TRPA1: variants seen among roughly 807,000 people sequenced by gnomAD.
TRPA1 encodes the protein transient receptor potential cation channel subfamily A member 1, also known as ankyrin-like with transmembrane domains 1.
TRPA1 carries 129 observed loss-of-function variants against 131.3 expected under a neutral mutation model. That is an observed-to-expected ratio of 0.98 (90% CI 0.85 to 1.14). The LOEUF is 1.14. Among genes scored for constraint, TRPA1 ranks in the 50% most tolerant of loss-of-function variants. TRPA1 has a pLI of 0.00. For synonymous variants in TRPA1, 441 were observed against 451.7 expected (o/e 0.98, Z 0.30); for missense variants, 1,304 against 1,354.2 (o/e 0.96, Z 0.58).
Position 72,033,724 on chromosome 8 carries a change from C to T in TRPA1, c.2788G>A (p.Glu930Lys). 6.2e-7 allele frequency: 1 copy of T among 1,614,018 alleles called. No homozygotes were observed. Among genetic ancestry groups the T allele is most frequent in the Non-Finnish European group, 8.5e-7 (1 of 1,179,964 alleles). ...ESFLEPYLRNELAHPVLSFAQ... is the reference protein window; with the variant it reads ...ESFLEPYLRNKLAHPVLSFAQ... ...AAGGACAGAACTGGATGTGCCAATT[C>T]ATTTCTCAGATATGGTTCTAGGAAG... Residue 930 changes from glutamate to lysine, a missense_variant, in exon 23 of 27, where the codon GAA (glutamate) becomes AAA (lysine). Glu to Lys is a moderately conservative substitution (Grantham distance 56). Coordinates refer to ENST00000262209, the MANE Select transcript of TRPA1 (RefSeq NM_007332.3).
rs1187982767 is a variant in TRPA1 at position 72,022,888 on chromosome 8, C to T, written c.*18G>A. The T allele has an allele frequency of 5.0e-6, 8 of 1,611,712 alleles. No homozygotes were observed. In the Admixed American group the frequency reaches 8.3e-5, roughly 17 times the overall value. ...GTCATGCACCCCCCATTAGAAGCCTCACTGAAGGTCTGAGGAGCTAAGGCT... is the reference window on the plus strand; with the variant it reads ...GTCATGCACCCCCCATTAGAAGCCTTACTGAAGGTCTGAGGAGCTAAGGCT... On this transcript the variant is annotated 3_prime_UTR_variant, in exon 27 of 27. Coordinates refer to ENST00000262209, the MANE Select transcript of TRPA1 (RefSeq NM_007332.3).
At chr8:72,078,742 C>T (rs778068282), upstream of TRPA1, among the ~76,000 whole-genome samples, 3 of 151,986 alleles carry the variant, frequency 2.0e-5, no homozygotes, top group Middle Eastern at 3.2e-3. Context: ...TGTGGACATA[C>T]ATTTTTATTT....
At chr8:72,046,212 A>G (rs1366081200) in intron 17 of TRPA1, among the ~76,000 whole-genome samples, 4 of 152,024 alleles carry the variant, frequency 2.6e-5, no homozygotes, top group Admixed American at 1.3e-4. Context: ...AGCAATTGAA[A>G]AAAAGGATTG....
chr8:72,055,286 A>G (rs892129941), intron 12 of TRPA1, 150 bp downstream of exon 12: 1 of 676,258 alleles, frequency 1.5e-6, no homozygotes, highest in African/African-American at 1.8e-5. Context: ...TATTTTTAGA[A>G]GTTACATATG....
chr8:72,042,706 C>G (rs1363250961), intron 17 of TRPA1, among the ~76,000 whole-genome samples: 1 of 151,854 alleles, frequency 6.6e-6, no homozygotes, highest in Non-Finnish European at 1.5e-5. Context: ...TATATACATA[C>G]AATGGAATAT....
Position 72,062,956 on chromosome 8 carries a change from A to T in TRPA1, c.662-12T>A, listed in dbSNP as rs200904070. On this transcript the variant is annotated splice_polypyrimidine_tract_variant and intron_variant, in intron 5 of 26. Coordinates refer to ENST00000262209, the MANE Select transcript of TRPA1 (RefSeq NM_007332.3). ...CCCATGCTCTTCACCTTGAGAAGAA[A>T]ATAACATTCAACATAACAAATATAT... is the stretch of plus-strand genomic sequence containing the variant. 6.2e-7 allele frequency: 1 copy of T among 1,611,370 alleles called. No homozygotes were observed. The highest frequency in any genetic ancestry group is 8.5e-7 in the Non-Finnish European group (1 of 1,178,118).
intron 3 of TRPA1, among the ~76,000 whole-genome samples, chr8:72,067,349 A>AT: frequency 6.6e-6 from 1 of 152,184 alleles, no homozygotes; most frequent in Middle Eastern, 3.4e-3. Flanking sequence ...GTCTGAAAAT[A>AT]TTTTTACACA....
At chr8:72,048,734 G>A (rs1805413727) in intron 15 of TRPA1, among the ~76,000 whole-genome samples, 2 of 152,072 alleles carry the variant, frequency 1.3e-5, no homozygotes, top group South Asian at 4.1e-4. Flanking sequence ...CTGAAAAGTA[G>A]TCACAATATA....
chr8:72,024,023 A>G, intron 25 of TRPA1, 112 bp from the exon 26 acceptor site: 1 of 726,968 alleles, frequency 1.4e-6, no homozygotes, highest in East Asian at 2.6e-5. Flanking sequence ...AGGCATAGCT[A>G]TGCCCTCAAG....
At chr8:72,082,387 A>G in the TRPA1 span, among the ~76,000 whole-genome samples, 1 of 152,060 alleles carries the variant, frequency 6.6e-6, no homozygotes, top group Non-Finnish European at 1.5e-5. Context: ...AATTAAAAGA[A>G]GAAAATAGGA....
rs1563377671 is a variant in TRPA1, at chr8:72,023,126, CAT to C, written c.3150-12_3150-11del. On this transcript the variant is annotated splice_polypyrimidine_tract_variant and intron_variant, in intron 26 of 26. Coordinates refer to ENST00000262209, the MANE Select transcript of TRPA1 (RefSeq NM_007332.3). Reference sequence around the variant, plus strand: ...AGTAAGATCCTTCAGCCTAAAAGGACATACACATTTCATGAATTTATTTTCAG... The same window carrying C: ...AGTAAGATCCTTCAGCCTAAAAGGACACACATTTCATGAATTTATTTTCAG... 1 of 1,610,680 alleles carries C rather than the reference CAT, an allele frequency of 6.2e-7. No individual in the cohort carries two copies. The highest frequency in any genetic ancestry group is 1.1e-5 in the South Asian group (1 of 90,964).
the TRPA1 span, among the ~76,000 whole-genome samples, chr8:72,089,528 A>ACAATATC: frequency 6.6e-6 from 1 of 152,108 alleles, no homozygotes; most frequent in Non-Finnish European, 1.5e-5. Context: ...AGCAGCTAAC[A>ACAATATC]CAATATCTTT....
the TRPA1 span, among the ~76,000 whole-genome samples, chr8:72,084,944 C>T: frequency 1.9e-4 from 29 of 152,126 alleles, no homozygotes; most frequent in African/African-American, 6.3e-4. Flanking sequence ...CCTCAGCACC[C>T]GGCCAGTGAT....
rs1805825177 is a variant in TRPA1 at position 72,062,184 on chromosome 8, C to T, written c.808-423G>A. 5 of 196,586 alleles carry T rather than the reference C, an allele frequency of 2.5e-5. No homozygotes were observed. The South Asian group carries it at 5.2e-4, about 21-fold the overall frequency. The allele number at this position is 196,586 out of a possible 1,614,324, so 12.2% of individuals were successfully genotyped here. A position where few individuals can be genotyped will look rare whatever the true frequency, so the allele number is the denominator to read the frequency against. On this transcript the variant is annotated intron_variant, in intron 6 of 26. Transcript: ENST00000262209. ...AGAAAAAGTTAAAAGGCAGTGTTAGCTTTTCTGAGTTTTTATGAAGTTTCC... is the reference window on the plus strand; with the variant it reads ...AGAAAAAGTTAAAAGGCAGTGTTAGTTTTTCTGAGTTTTTATGAAGTTTCC...
Position 72,063,591 on chromosome 8 carries a change from GA to G in TRPA1, c.553-21del. 6.4e-7 allele frequency: 1 copy of G among 1,567,118 alleles called. No homozygotes were observed. Among genetic ancestry groups the G allele is most frequent in the Non-Finnish European group, 8.8e-7 (1 of 1,138,592 alleles). On this transcript the variant is annotated intron_variant, in intron 4 of 26. Transcript: ENST00000262209. Reference sequence around the variant, plus strand: ...TTTAAGCTGGAAGAAAAGACAAAATGAAAAATGACACCAGTTAAACCCCAAA... The same window carrying G: ...TTTAAGCTGGAAGAAAAGACAAAATGAAAATGACACCAGTTAAACCCCAAA...
At position 72,071,802 on chromosome 8, in the gene TRPA1, A is replaced by G; in HGVS notation, c.177T>C (p.Cys59=). The change falls in exon 2 of 27, where the codon TGT becomes TGC. Residue 59 remains cysteine (C), a synonymous_variant. Coordinates refer to ENST00000262209, the MANE Select transcript of TRPA1 (RefSeq NM_007332.3). The part of the protein sequence containing the change: ...NFNKQKKLKR[C]DDMDTFFLHY... ...GCAAGAAGAAGGTGTCCATATCGTC[A>G]CATCTTTTTAATTTCTTTTGCTTAT... 1 of 1,613,320 alleles carries G rather than the reference A, an allele frequency of 6.2e-7. No homozygotes were observed. Among genetic ancestry groups the G allele is most frequent in the Non-Finnish European group, 8.5e-7 (1 of 1,179,748 alleles).
rs1230139383 is a variant in TRPA1, at chr8:72,056,951, T to A, written c.1160A>T (p.Tyr387Phe). The change falls in exon 10 of 27, where the codon TAT (tyrosine) becomes TTT (phenylalanine). Residue 387 changes from tyrosine to phenylalanine, a missense_variant. Tyr to Phe is a conservative substitution (Grantham distance 22). Transcript: ENST00000262209. ...NFLHLTVQQPYGLKNLRPEFM... is the reference protein window; with the variant it reads ...NFLHLTVQQPFGLKNLRPEFM... Reference sequence around the variant, plus strand: ...TTCAGGTCGCAGATTTTTTAATCCATAAGGTTGCTGTACAGTTAAATGCAG... The same window carrying A: ...TTCAGGTCGCAGATTTTTTAATCCAAAAGGTTGCTGTACAGTTAAATGCAG... 2 of 1,609,544 alleles carry A rather than the reference T, an allele frequency of 1.2e-6. No individual in the cohort carries two copies. Among genetic ancestry groups the A allele is most frequent in the Admixed American group, 1.7e-5 (1 of 59,876 alleles).
At chr8:72,076,465 C>T (rs963780173), upstream of TRPA1, 1 of 152,272 alleles carries the variant, frequency 6.6e-6, no homozygotes, top group Non-Finnish European at 1.5e-5. Flanking sequence ...CTTTCTAAGG[C>T]TGATTATACC....
At chr8:72,038,800 G>T in intron 19 of TRPA1, 65 bp downstream of exon 19, 1 of 1,376,798 alleles carries the variant, frequency 7.3e-7, no homozygotes, top group Non-Finnish European at 1.0e-6. Flanking sequence ...TATGGGTTTA[G>T]TAGTCTTAAG....
Sources: gnomAD v4.1 joint callset for allele counts (sites outside exome capture counted in the v4.1 genomes callset) on GRCh38, gnomAD v4.1.1 for gene constraint, MANE v1.5 for transcripts, NCBI Gene and HGNC (gene_info 2026-07-23, HGNC 2026-07-21) for gene names.